MYB: variants seen among roughly 807,000 people sequenced by gnomAD.
MYB encodes the protein transcriptional activator Myb.
In MYB, 28 loss-of-function variants were observed where a neutral mutation model predicts 92.9. The observed-to-expected ratio is 0.30, with a 90% CI of 0.22 to 0.41. The LOEUF is 0.41. Ranked by LOEUF, MYB falls within the 10% of genes least tolerant of loss-of-function variation. The probability of loss-of-function intolerance (pLI) is 1.00; values close to 1 mark genes in which losing one functional copy is unlikely to be tolerated. For synonymous variants in MYB, 295 were observed against 329.1 expected (o/e 0.90, Z 1.12); for missense variants, 679 against 929.3 (o/e 0.73, Z 3.50).
At chr6:135,184,546 C>T (rs762990005) in intron 1 of MYB, among the ~76,000 whole-genome samples, 1 of 151,876 alleles carries the variant, frequency 6.6e-6, no homozygotes, top group East Asian at 1.9e-4. Context: ...TACATCATGT[C>T]GCCATTCAAC....
At chr6:135,200,487 GT>G (rs767017367) in intron 13 of MYB, 72 bp downstream of exon 13, 1 of 1,600,004 alleles carries the variant, frequency 6.2e-7, no homozygotes, top group Non-Finnish European at 8.5e-7. Flanking sequence ...GCAGCTTGAT[GT>G]GTCTGCCATT....
chr6:135,217,052 G>GATATTA (rs1780545303), intron 15 of MYB, among the ~76,000 whole-genome samples: 2 of 152,180 alleles, frequency 1.3e-5, no homozygotes, highest in Non-Finnish European at 2.9e-5. Flanking sequence ...TTAGATATTA[G>GATATTA]GTCCATCTTG....
intron 3 of MYB, 100 bp downstream of exon 3, chr6:135,188,005 C>T (rs1776143617): frequency 2.7e-6 from 2 of 749,902 alleles, no homozygotes; most frequent in Non-Finnish European, 2.1e-6. Flanking sequence ...ATAATTTACT[C>T]ACATTTAAGA....
chr6:135,203,234 C>T lies in MYB; in HGVS notation c.2079C>T (p.Ser693=), dbSNP rs751718001. 17 of 1,603,644 alleles carry T rather than the reference C, an allele frequency of 1.1e-5. No homozygotes were observed. The Admixed American group carries it at 1.5e-4, about 14-fold the overall frequency. Reference sequence around the variant, plus strand: ...CCCTTTAGAATATTCTTACAAGCTCCGTTTTAATGGCACCAGCATCAGAAG... The same window carrying T: ...CCCTTTAGAATATTCTTACAAGCTCTGTTTTAATGGCACCAGCATCAGAAG... ...VADAPNILTS[S]VLMAPASEDE... The change falls in exon 15 of 16, where the codon TCC becomes TCT. Residue 693 remains serine, a synonymous_variant. Transcript: ENST00000341911.
In MYB at chr6:135,200,390, C is replaced by G; in HGVS notation, c.1925C>G (p.Pro642Arg). The G allele has an allele frequency of 6.2e-7, 1 of 1,614,064 alleles. No homozygotes were observed. Among genetic ancestry groups the G allele is most frequent in the Non-Finnish European group, 8.5e-7 (1 of 1,180,032 alleles). The change falls in exon 13 of 16, where the codon CCC (proline) becomes CGC (arginine). Residue 642 changes from proline (P) to arginine (R), a missense_variant. Physicochemically the swap from Pro to Arg is moderately radical, Grantham distance 103. Transcript: ENST00000341911. Reference sequence around the variant, plus strand: ...GCTGAGTTTCAAGAAAATGGACCACCCTTACTGAAGAAAATCAAACAAGAG... The same window carrying G: ...GCTGAGTTTCAAGAAAATGGACCACGCTTACTGAAGAAAATCAAACAAGAG... Reference protein sequence around the residue: ...IVAEFQENGPPLLKKIKQEVE... With the variant: ...IVAEFQENGPRLLKKIKQEVE...
chr6:135,201,810 G>A, intron 14 of MYB, 61 bp downstream of exon 14: 1 of 1,013,464 alleles, frequency 9.9e-7, no homozygotes, highest in Non-Finnish European at 1.4e-6. Flanking sequence ...ATGAAATCCT[G>A]TGTGTGGCAT....
At chr6:135,196,332 G>A (rs921515574) in intron 9 of MYB, among the ~76,000 whole-genome samples, 8 of 152,072 alleles carry the variant, frequency 5.3e-5, no homozygotes, top group Non-Finnish European at 7.3e-5. Context: ...TTATGGGAAC[G>A]GAATGGTGTT....
chr6:135,189,277 TG>T (rs1776343941), intron 3 of MYB, among the ~76,000 whole-genome samples: 1 of 152,254 alleles, frequency 6.6e-6, no homozygotes, highest in Admixed American at 6.5e-5. Context: ...GTCATCTACT[TG>T]TCTTTTCCTT....
chr6:135,196,027 T>A, intron 9 of MYB, 25 bp downstream of exon 9: 1 of 1,604,152 alleles, frequency 6.2e-7, no homozygotes, highest in Non-Finnish European at 8.5e-7. Flanking sequence ...GAAGGGAAGT[T>A]AACGATTCTG....
chr6:135,205,090 T>C (rs1029915569), intron 15 of MYB, among the ~76,000 whole-genome samples: 4 of 151,840 alleles, frequency 2.6e-5, no homozygotes, highest in Non-Finnish European at 5.9e-5. Flanking sequence ...TCACAAATAA[T>C]TGGGAGATGA....
intron 15 of MYB, among the ~76,000 whole-genome samples, chr6:135,211,906 T>C (rs369867251): frequency 2.2e-4 from 33 of 152,328 alleles, no homozygotes; most frequent in African/African-American, 7.7e-4. Context: ...AAGCATTTAC[T>C]CTCGAGAAAA....
chr6:135,182,525 C>T lies in MYB; in HGVS notation c.23+989C>T, dbSNP rs1357230677. ...CGGGACGCGATCCCCGCGGGCTCTG[C>T]CCCCAGGCGAAAGGTCCCTGCGCGG... is the stretch of plus-strand genomic sequence containing the variant. On this transcript the variant is annotated intron_variant, in intron 1 of 15. Transcript: ENST00000341911. The surrounding 1 kb of genome is among the most constrained non-coding windows in gnomAD (Gnocchi z 5.6). Among the ~76,000 whole-genome samples, 1 of 152,186 alleles carries T rather than the reference C, an allele frequency of 6.6e-6. No individual in the cohort carries two copies. Among genetic ancestry groups the T allele is most frequent in the African/African-American group, 2.4e-5 (1 of 41,456 alleles).
chr6:135,189,178 C>G (rs568710392), intron 3 of MYB, among the ~76,000 whole-genome samples: 1 of 152,324 alleles, frequency 6.6e-6, no homozygotes, highest in East Asian at 1.9e-4. Context: ...CATTTCTCCT[C>G]CTAAGAAGAT....
intron 11 of MYB, 116 bp downstream of exon 11, chr6:135,199,166 A>T: frequency 2.5e-6 from 2 of 812,144 alleles, no homozygotes; most frequent in Non-Finnish European, 3.7e-6. Context: ...CTGACCATTT[A>T]TATATAATCA....
At chr6:135,215,261 A>G (rs1011069132) in intron 15 of MYB, among the ~76,000 whole-genome samples, 1 of 152,216 alleles carries the variant, frequency 6.6e-6, no homozygotes, top group African/African-American at 2.4e-5. Context: ...TTCTTTGCTA[A>G]GAAGTCTGGT....
At chr6:135,209,595 G>A (rs558530086) in intron 15 of MYB, among the ~76,000 whole-genome samples, 4 of 152,238 alleles carry the variant, frequency 2.6e-5, no homozygotes, top group Admixed American at 2.0e-4. Flanking sequence ...ATAATCTACA[G>A]TGCTTAAATA....
chr6:135,184,774 T>C (rs1463621648), intron 1 of MYB, among the ~76,000 whole-genome samples: 1 of 152,054 alleles, frequency 6.6e-6, no homozygotes, highest in Non-Finnish European at 1.5e-5. Context: ...TTTTTATTGG[T>C]CTTAGTTTAA....
chr6:135,185,167 G>A (rs1360484984), intron 1 of MYB, among the ~76,000 whole-genome samples: 1 of 152,172 alleles, frequency 6.6e-6, no homozygotes, highest in Non-Finnish European at 1.5e-5. Flanking sequence ...TGACTAACAA[G>A]TGGCCTAATT....
At chr6:135,192,156 T>C (rs763720671) in intron 5 of MYB, among the ~76,000 whole-genome samples, 168 bp from the exon 6 acceptor site, 11 of 152,064 alleles carry the variant, frequency 7.2e-5, no homozygotes, top group Non-Finnish European at 1.3e-4. Context: ...AACTAGGCAA[T>C]AGAGAAAGCC....
Sources: allele counts gnomAD v4.1 joint callset (sites outside exome capture counted in the v4.1 genomes callset), GRCh38; gene constraint gnomAD v4.1.1; non-coding constraint Gnocchi (gnomAD v3.1); transcripts MANE v1.5; gene names NCBI Gene and HGNC (gene_info 2026-07-23, HGNC 2026-07-21).